Variants in HROB observed in about 807,000 individuals in gnomAD.
HROB encodes homologous recombination factor with OB-fold.
In HROB, 44 loss-of-function variants were observed where a neutral mutation model predicts 61.0. The ratio of observed to expected loss-of-function variants is 0.72; its 90% CI spans 0.57 to 0.93. HROB has a LOEUF of 0.93. Among genes scored for constraint, HROB ranks in the 40% least tolerant of loss-of-function variants. HROB has a pLI of 0.00. For synonymous variants in HROB, 301 were observed against 310.4 expected, an observed-to-expected ratio of 0.97 and a Z score of 0.32; for missense variants, 716 against 796.2, an observed-to-expected ratio of 0.90 and a Z score of 1.21.
chr17:44,158,104 G>C (rs933130870), intron 9 of HROB, among the ~76,000 whole-genome samples, 163 bp downstream of exon 9: 2 of 152,172 alleles, frequency 1.3e-5, no homozygotes, highest in Non-Finnish European at 2.9e-5. Context: ...AAGGCTGCAG[G>C]CCACAAACTC....
chr17:44,161,560 C>G (rs1043198024), intron 9 of HROB, among the ~76,000 whole-genome samples: 3 of 152,162 alleles, frequency 2.0e-5, no homozygotes, highest in African/African-American at 7.2e-5. Context: ...ACCTCTGAAG[C>G]CTTCTTGTTT....
Position 44,154,604 on chromosome 17 carries a change from A to G in HROB, c.1498A>G (p.Met500Val), listed in dbSNP as rs1168238180. 6.2e-7 allele frequency: 1 copy of G among 1,614,142 alleles called. No individual in the cohort carries two copies. The highest frequency in any genetic ancestry group is 8.5e-7 in the Non-Finnish European group (1 of 1,180,028). Residue 500 changes from methionine (M) to valine (V), a missense_variant, in exon 6 of 10, where the codon ATG (methionine) becomes GTG (valine). Met to Val is a conservative substitution (Grantham distance 21). Coordinates refer to ENST00000585683, the MANE Select transcript of HROB (RefSeq NM_001171251.3). ...GAACAAGGTCCCCAACATGGCGGTG[A>G]TGATCAAGTCCCTGACTCGGAGCAC... ...PRNKVPNMAV[M>V]IKSLTRSTMD...
In HROB at chr17:44,155,401, C is replaced by T. The variant is rs143469135; in HGVS notation, c.1760C>T (p.Pro587Leu). The T allele has an allele frequency of 6.6e-5, 107 of 1,614,074 alleles. No homozygotes were observed. The African/African-American group carries it at 1.2e-3, about 18-fold the overall frequency. The stretch of plus-strand genomic sequence containing the variant: ...GGGAGCTTCCTCAAGCCATCTCAGC[C>T]CTTCCCCAAGGTAAGAGGAGCAGGA... ...GDGSFLKPSQ[P>L]FPKDSGSFQH... is the part of the protein sequence containing the mutation. The change falls in exon 8 of 10, where the codon CCC becomes CTC. Residue 587 changes from proline to leucine, a missense_variant. By Grantham distance (98) the Pro-to-Leu change is moderately conservative. Coordinates refer to ENST00000585683, the MANE Select transcript of HROB (RefSeq NM_001171251.3).
At position 44,148,456 on chromosome 17, in the gene HROB, A is replaced by G; in HGVS notation, c.653A>G (p.His218Arg). The stretch of plus-strand genomic sequence containing the variant: ...CAGAAGGGGCCTGTGCCTGCCATCC[A>G]CAAAGCGGGTATCATGTCCGCCCAG... ...SCQKGPVPAI[H>R]KAGIMSAQDE... The change falls in exon 3 of 10, where the codon CAC becomes CGC. Residue 218 changes from histidine to arginine, a missense_variant. His to Arg is a conservative substitution (Grantham distance 29, BLOSUM62 0). Transcript: ENST00000585683. The G allele has an allele frequency of 6.2e-7, 1 of 1,614,120 alleles. No individual in the cohort carries two copies. The highest frequency in any genetic ancestry group is 2.2e-5 in the East Asian group (1 of 44,872).
chr17:44,147,991 T>TA lies in HROB; in HGVS notation c.189dup (p.His64ThrfsTer27). 6.2e-7 allele frequency: 1 copy of TA among 1,614,062 alleles called. No homozygotes were observed. The highest frequency in any genetic ancestry group is 8.5e-7 in the Non-Finnish European group (1 of 1,180,040). On this transcript the variant is annotated frameshift_variant, in exon 3 of 10. Transcript: ENST00000585683. LOFTEE classifies it high-confidence loss of function. ...GCACAGTCCTCCAGGCTGCTGCTGT[T>TA]ACACCCCACTGCTCCCTCAGAGGCT...
rs769527151 is a variant in HROB, at chr17:44,152,780, A to G, written c.1449+3A>G. The G allele has an allele frequency of 5.7e-5, 92 of 1,612,314 alleles. 1 individual carries two copies. In the Admixed American group the frequency reaches 1.4e-3, roughly 24 times the overall value. On this transcript the variant is annotated splice_donor_region_variant and intron_variant, in intron 5 of 9. Transcript: ENST00000585683. The stretch of plus-strand genomic sequence containing the variant: ...GCATTGTCATGGTGCTGCGCAAGGT[A>G]AGGATTCTGGGTGCTGAGACCCAAA...
rs2053661592 is a variant in HROB at position 44,147,940 on chromosome 17, C to T, written c.137C>T (p.Ser46Phe). The stretch of plus-strand genomic sequence containing the variant: ...AATGCTGGGCGCCTGAGACCTGTCT[C>T]TTCTAGGCCACAGGAGACTGTGCAG... ...PVNAGRLRPVSSRPQETVQAQ... is the reference protein window; with the variant it reads ...PVNAGRLRPVFSRPQETVQAQ... Residue 46 changes from serine (S) to phenylalanine (F), a missense_variant, in exon 3 of 10, where the codon TCT (serine) becomes TTT (phenylalanine). Transcript: ENST00000585683. 1 of 1,614,150 alleles carries T rather than the reference C, an allele frequency of 6.2e-7. No homozygotes were observed. Among genetic ancestry groups the T allele is most frequent in the Non-Finnish European group, 8.5e-7 (1 of 1,180,028 alleles).
Position 44,148,149 on chromosome 17 carries a change from A to C in HROB, c.346A>C (p.Arg116=). The C allele has an allele frequency of 6.2e-7, 1 of 1,614,218 alleles. No individual in the cohort carries two copies. The highest frequency in any genetic ancestry group is 8.5e-7 in the Non-Finnish European group (1 of 1,180,034). ...TSSSWIGNQR[R]VTVTEVLRET... is the part of the protein sequence containing the mutation. ...CAGCAGCTGGATTGGCAATCAGAGA[A>C]GAGTGACAGTGACAGAAGTGCTCAG... Residue 116 remains arginine (R), a synonymous_variant, in exon 3 of 10, where the codon AGA becomes CGA. Transcript: ENST00000585683.
chr17:44,147,989 G>A lies in HROB; in HGVS notation c.186G>A (p.Leu62=). 6.2e-7 allele frequency: 1 copy of A among 1,614,020 alleles called. No homozygotes were observed. Among genetic ancestry groups the A allele is most frequent in the Non-Finnish European group, 8.5e-7 (1 of 1,180,044 alleles). The change falls in exon 3 of 10, where the codon CTG becomes CTA. Residue 62 remains leucine, a synonymous_variant. Transcript: ENST00000585683. ...TVQAQSSRLL[L]LHPTAPSEAL... The stretch of plus-strand genomic sequence containing the variant: ...AGGCACAGTCCTCCAGGCTGCTGCT[G>A]TTACACCCCACTGCTCCCTCAGAGG...
At chr17:44,155,483 T>C in intron 8 of HROB, 72 bp downstream of exon 8, 3 of 1,584,128 alleles carry the variant, frequency 1.9e-6, no homozygotes, top group Non-Finnish European at 1.7e-6. Context: ...TTTCTTCCTC[T>C]CTTCCACCCT....
At chr17:44,155,579 C>T (rs1213528777) in intron 8 of HROB, among the ~76,000 whole-genome samples, 168 bp downstream of exon 8, 2 of 152,146 alleles carry the variant, frequency 1.3e-5, no homozygotes, top group South Asian at 2.1e-4. Flanking sequence ...CTCATCCAGC[C>T]GCCTGGCAGA....
At position 44,154,527 on chromosome 17, in the gene HROB, G is replaced by A. The variant is rs201140158; in HGVS notation, c.1450-29G>A. ...GGAAGTCACAAGTGGGCCGTGGAAG[G>A]CTCAGCATATGCCTCTCCTTGTAAG... On this transcript the variant is annotated intron_variant, in intron 5 of 9. Transcript: ENST00000585683. 8.1e-6 allele frequency: 13 copies of A among 1,612,130 alleles called. No homozygotes were observed. The Admixed American group carries it at 2.2e-4, about 27-fold the overall frequency.
intron 9 of HROB, among the ~76,000 whole-genome samples, chr17:44,161,553 T>A (rs1440245382): frequency 6.6e-6 from 1 of 152,170 alleles, no homozygotes. Context: ...CTAGGTGACC[T>A]CTGAAGCCTT....
At chr17:44,143,431 C>G (rs889124290) in intron 1 of HROB, among the ~76,000 whole-genome samples, 2 of 152,014 alleles carry the variant, frequency 1.3e-5, no homozygotes, top group Non-Finnish European at 2.9e-5. Context: ...ATCACAAGGT[C>G]AGGAGTTCAA....
intron 2 of HROB, among the ~76,000 whole-genome samples, chr17:44,147,213 C>G (rs16940539): frequency 0.038 from 5,751 of 152,090 alleles, 140 homozygotes; most frequent in East Asian, 0.068. Context: ...GGTGATTTGT[C>G]TGACTTCTTG....
At position 44,150,943 on chromosome 17, in the gene HROB, C is replaced by A; in HGVS notation, c.1225-18C>A. ...GCTGCTAAGCTTGCTCTCATCTTCT[C>A]CTTCCCTCCCCTCTTAGCAGAGTGG... On this transcript the variant is annotated intron_variant, in intron 3 of 9. Transcript: ENST00000585683. 6.3e-7 allele frequency: 1 copy of A among 1,595,488 alleles called. No individual in the cohort carries two copies. The highest frequency in any genetic ancestry group is 8.6e-7 in the Non-Finnish European group (1 of 1,164,928).
At chr17:44,161,800 A>G in intron 9 of HROB, 71 bp from the exon 10 acceptor site, 2 of 1,548,230 alleles carry the variant, frequency 1.3e-6, no homozygotes, top group Non-Finnish European at 1.8e-6. Context: ...TGAAGGGCAG[A>G]AACTTTGGAC....
At chr17:44,161,653 C>A (rs1486618537) in intron 9 of HROB, among the ~76,000 whole-genome samples, 1 of 152,168 alleles carries the variant, frequency 6.6e-6, no homozygotes, top group African/African-American at 2.4e-5. Flanking sequence ...AGGGATTACG[C>A]CCCCGCCTTT....
Position 44,155,470 on chromosome 17 carries a change from T to A in HROB, c.1770+59T>A. On this transcript the variant is annotated intron_variant, in intron 8 of 9. Transcript: ENST00000585683. ...AGGCCCTCCTTCTGCCTGGATCTTC[T>A]GATTTCTTCCTCTCTTCCACCCTGG... 3.1e-6 allele frequency: 5 copies of A among 1,597,650 alleles called. No homozygotes were observed. The South Asian group carries it at 3.4e-5, about 11-fold the overall frequency.
Sources: allele counts gnomAD v4.1 joint callset (sites outside exome capture counted in the v4.1 genomes callset), GRCh38; gene constraint gnomAD v4.1.1; transcripts MANE v1.5; gene names NCBI Gene and HGNC (gene_info 2026-07-23, HGNC 2026-07-21).